The following IDE variants were observed in gnomAD, a reference collection of about 807,000 sequenced individuals.
IDE encodes the protein insulin-degrading enzyme.
A neutral mutation model predicts 133.2 loss-of-function variants in IDE; 58 were observed. The observed-to-expected ratio is 0.44, with a 90% CI of 0.35 to 0.54. The LOEUF (loss-of-function observed/expected upper bound fraction) is 0.54. Ranked by LOEUF, IDE falls within the 20% of genes least tolerant of loss-of-function variation. The probability of loss-of-function intolerance (pLI) is 0.00; values close to 1 mark genes in which losing one functional copy is unlikely to be tolerated. For missense variants in IDE, 981 were observed against 1,234.0 expected (o/e 0.79, Z 3.07); for synonymous variants, 396 against 421.3 (o/e 0.94, Z 0.73).
intron 5 of IDE, among the ~76,000 whole-genome samples, chr10:92,513,599 T>C (rs968450638): frequency 2.4e-4 from 36 of 151,326 alleles, no homozygotes; most frequent in African/African-American, 7.7e-4. Flanking sequence ...GCTTTTGTTT[T>C]CTCTTTAATA....
At chr10:92,454,613 G>C in intron 24 of IDE, 74 bp from the exon 25 acceptor site, 1 of 1,025,500 alleles carries the variant, frequency 9.8e-7, no homozygotes. Flanking sequence ...TTTTTTGGCG[G>C]ACACTGGGAG....
intron 1 of IDE, among the ~76,000 whole-genome samples, chr10:92,560,308 A>G (rs890459156): frequency 6.6e-6 from 1 of 152,162 alleles, no homozygotes; most frequent in African/African-American, 2.4e-5. Context: ...CAACGTTCCT[A>G]TCTGCCTTAT....
At chr10:92,479,612 T>TGTGTGTGTGTGA in intron 14 of IDE, 191 bp from the exon 15 acceptor site, 1 of 142,152 alleles carries the variant, frequency 7.0e-6, no homozygotes. Flanking sequence ...TGTGTGTGAG[T>TGTGTGTGTGTGA]GTGTGTGTGT....
intron 11 of IDE, among the ~76,000 whole-genome samples, chr10:92,495,175 T>A (rs374544406): frequency 6.7e-6 from 1 of 149,736 alleles, no homozygotes; most frequent in East Asian, 2.0e-4. Flanking sequence ...GCGATTCTCC[T>A]GCCTCGGCTT....
chr10:92,465,061 G>C (rs540818323), intron 20 of IDE, among the ~76,000 whole-genome samples: 2 of 152,144 alleles, frequency 1.3e-5, no homozygotes, highest in South Asian at 2.1e-4. Flanking sequence ...TGAGCTCCTC[G>C]AAAGGAAGGA....
chr10:92,474,809 G>GAA, intron 17 of IDE, 32 bp downstream of exon 17: 2 of 1,577,260 alleles, frequency 1.3e-6, no homozygotes, highest in Non-Finnish European at 1.7e-6. Flanking sequence ...AAAAAATGAA[G>GAA]AAAGCATTAA....
intron 4 of IDE, among the ~76,000 whole-genome samples, chr10:92,522,645 C>A (rs1005721888): frequency 6.6e-6 from 1 of 152,150 alleles, no homozygotes; most frequent in African/African-American, 2.4e-5. Context: ...CTGGGCAACA[C>A]TAAAACATGC....
At chr10:92,541,489 T>C in intron 1 of IDE, 1 of 236,354 alleles carries the variant, frequency 4.2e-6, no homozygotes, top group South Asian at 4.6e-5. Context: ...ACTGACAATT[T>C]AGATGACGAG....
intron 3 of IDE, among the ~76,000 whole-genome samples, chr10:92,533,525 C>G (rs1304713075): frequency 6.6e-6 from 1 of 151,832 alleles, no homozygotes; most frequent in African/African-American, 2.4e-5. Context: ...CATTATAGAT[C>G]CAAAAAGTTG....
intron 12 of IDE, among the ~76,000 whole-genome samples, chr10:92,490,283 T>C (rs557968134): frequency 2.6e-5 from 4 of 152,358 alleles, no homozygotes; most frequent in South Asian, 4.1e-4. Context: ...GGTGGTTTGA[T>C]AGACACATGA....
chr10:92,458,508 T>C (rs1326681405), intron 22 of IDE, among the ~76,000 whole-genome samples: 1 of 112,828 alleles, frequency 8.9e-6, no homozygotes, highest in South Asian at 4.0e-4. Flanking sequence ...TTTTTTTTTT[T>C]TTTTTTTTTT....
At chr10:92,462,670 A>G (rs1182371276) in intron 21 of IDE, among the ~76,000 whole-genome samples, 3 of 152,298 alleles carry the variant, frequency 2.0e-5, no homozygotes, top group Non-Finnish European at 1.5e-5. Context: ...GAGCCAGGCC[A>G]GCCTGGATTC....
chr10:92,494,349 T>C (rs1252912389), intron 11 of IDE, among the ~76,000 whole-genome samples: 1 of 150,810 alleles, frequency 6.6e-6, no homozygotes, highest in Non-Finnish European at 1.5e-5. Context: ...ATTACAGGCA[T>C]GAGCTACCAT....
rs76374863 is a variant in IDE at position 92,493,799 on chromosome 10, G to A, written c.1431-3204C>T. ...GACCAAGAGTTAGTATATCATTAAG[G>A]AATTCCAGATTGAAATATACAATGA... On this transcript the variant is annotated intron_variant, in intron 11 of 24. Transcript: ENST00000265986. Among the ~76,000 whole-genome samples the A allele has an allele frequency of 2.3e-3, 348 of 152,224 alleles. 1 individual carries two copies. The highest frequency in any genetic ancestry group is 3.3e-3 in the Non-Finnish European group (226 of 68,016).
At position 92,534,885 on chromosome 10, in the gene IDE, T is replaced by C. The variant is rs1043582276; in HGVS notation, c.284-100A>G. On this transcript the variant is annotated intron_variant, in intron 2 of 24. Coordinates refer to ENST00000265986, the MANE Select transcript of IDE (RefSeq NM_004969.4). ...CTTGTTAGCATGACAACTCCAACTA[T>C]ATAATCAGAGAAAGTTAAGCACAAG... 1.0e-5 allele frequency: 8 copies of C among 784,346 alleles called. No individual in the cohort carries two copies. In the East Asian group the frequency reaches 1.5e-4, roughly 15 times the overall value. 48.6% of individuals were successfully genotyped at this position (784,346 alleles called of 1,614,324 possible).
chr10:92,488,780 A>C (rs1352412197), intron 12 of IDE, among the ~76,000 whole-genome samples: 2 of 151,814 alleles, frequency 1.3e-5, no homozygotes, highest in Non-Finnish European at 2.9e-5. Context: ...CTGTCTAAAA[A>C]AAAAAAAAGA....
chr10:92,502,220 T>C (rs1045867976), intron 11 of IDE, among the ~76,000 whole-genome samples: 18 of 152,168 alleles, frequency 1.2e-4, no homozygotes, highest in Non-Finnish European at 2.1e-4. Flanking sequence ...ATGAATCAGA[T>C]TGGAGAGAAC....
At chr10:92,457,100 T>C (rs950128822) in intron 22 of IDE, among the ~76,000 whole-genome samples, 3 of 152,132 alleles carry the variant, frequency 2.0e-5, no homozygotes, top group African/African-American at 7.2e-5. Flanking sequence ...GTGCCTGAGC[T>C]AGGATTAAAA....
At chr10:92,497,499 T>TG (rs1399156833) in intron 11 of IDE, among the ~76,000 whole-genome samples, 1 of 152,212 alleles carries the variant, frequency 6.6e-6, no homozygotes, top group Non-Finnish European at 1.5e-5. Context: ...TTGATATCCA[T>TG]GGGGGTCTTG....
Sources: allele counts gnomAD v4.1 joint callset (sites outside exome capture counted in the v4.1 genomes callset), GRCh38; gene constraint gnomAD v4.1.1; transcripts MANE v1.5; gene names NCBI Gene and HGNC (gene_info 2026-07-23, HGNC 2026-07-21).